The following MAGI2 variants were observed in gnomAD, a reference collection of about 807,000 sequenced individuals.
The protein encoded by MAGI2 is membrane-associated guanylate kinase, WW and PDZ domain-containing protein 2.
In MAGI2, 35 loss-of-function variants were observed where a neutral mutation model predicts 133.3. The ratio of observed to expected loss-of-function variants is 0.26; its 90% CI spans 0.20 to 0.35. The LOEUF is 0.35. Among genes scored for constraint, MAGI2 ranks in the 10% least tolerant of loss-of-function variants. The pLI is 1.00. For synonymous variants in MAGI2, 729 were observed against 710.6 expected, an observed-to-expected ratio of 1.03 and a Z score of -0.41; for missense variants, 1,636 against 1,863.4, an observed-to-expected ratio of 0.88 and a Z score of 2.25.
At chr7:79,259,849 G>A (rs1415841126) in intron 1 of MAGI2, among the ~76,000 whole-genome samples, 2 of 152,128 alleles carry the variant, frequency 1.3e-5, no homozygotes, top group Non-Finnish European at 2.9e-5. Flanking sequence ...ATGGTGGTAA[G>A]ATAATCCTTA....
chr7:78,836,601 G>A (rs952883394), intron 2 of MAGI2, among the ~76,000 whole-genome samples: 2 of 152,100 alleles, frequency 1.3e-5, no homozygotes, highest in Non-Finnish European at 2.9e-5. Flanking sequence ...ATTAGTGATA[G>A]CTTAACTTCT....
chr7:78,837,029 C>A (rs866506413), intron 2 of MAGI2, among the ~76,000 whole-genome samples: 1 of 152,086 alleles, frequency 6.6e-6, no homozygotes, highest in Non-Finnish European at 1.5e-5. Context: ...TAAACAAATT[C>A]ATTTCGTTTT....
intron 1 of MAGI2, among the ~76,000 whole-genome samples, chr7:79,293,279 T>C (rs1174180601): frequency 6.6e-6 from 1 of 152,190 alleles, no homozygotes; most frequent in African/African-American, 2.4e-5. Flanking sequence ...AAATGAAAAA[T>C]CTTTATTCCC....
chr7:79,429,503 C>T (rs1847628747), intron 1 of MAGI2, among the ~76,000 whole-genome samples: 1 of 152,020 alleles, frequency 6.6e-6, no homozygotes, highest in African/African-American at 2.4e-5. Flanking sequence ...CGGGGTTTCA[C>T]CATGTTGGCC....
chr7:78,825,435 C>G (rs900151397), intron 2 of MAGI2, among the ~76,000 whole-genome samples: 2 of 152,020 alleles, frequency 1.3e-5, no homozygotes, highest in Non-Finnish European at 2.9e-5. Flanking sequence ...GGTAAGCTAA[C>G]AGTGTTTTAA....
intron 6 of MAGI2, among the ~76,000 whole-genome samples, chr7:78,482,035 T>C (rs1222820295): frequency 6.6e-6 from 1 of 151,932 alleles, no homozygotes; most frequent in African/African-American, 2.4e-5. Flanking sequence ...AAGGAACATG[T>C]ATACATAAGG....
At chr7:78,888,411 G>C (rs1796446645) in intron 2 of MAGI2, among the ~76,000 whole-genome samples, 1 of 152,188 alleles carries the variant, frequency 6.6e-6, no homozygotes, top group Admixed American at 6.5e-5. Flanking sequence ...CTGGAGATCT[G>C]AGAATGGACA....
chr7:79,220,319 C>G (rs1004352254), intron 1 of MAGI2, among the ~76,000 whole-genome samples: 1 of 151,856 alleles, frequency 6.6e-6, no homozygotes, highest in African/African-American at 2.4e-5. Context: ...TCACGGACAG[C>G]CTTAGTCAAA....
At chr7:78,255,312 T>C (rs1167141412) in intron 10 of MAGI2, 1 of 156,680 alleles carries the variant, frequency 6.4e-6, no homozygotes, top group Admixed American at 6.5e-5. Context: ...CTCACCCTGT[T>C]CTGTAACTTT....
chr7:78,260,206 A>C (rs1428159410), intron 9 of MAGI2, among the ~76,000 whole-genome samples: 1 of 152,222 alleles, frequency 6.6e-6, no homozygotes, highest in African/African-American at 2.4e-5. Flanking sequence ...TTGCTTGTTC[A>C]GATAGAACTT....
rs199553094 is a variant in MAGI2, at chr7:78,167,996, C to T, written c.2516G>A (p.Arg839His). 116 of 1,614,054 alleles carry T rather than the reference C, an allele frequency of 7.2e-5. No homozygotes were observed. Among genetic ancestry groups the T allele is most frequent in the South Asian group, 7.1e-4 (65 of 91,080 alleles). ...GTGGTGCATGAGGTCGATGACATAG[C>T]GGTGGGTTTTGCCGGCTACTGGAAT... ...DGIPVAGKTH[R>H]YVIDLMHHAA... The change falls in exon 15 of 22, where the codon CGC becomes CAC. Residue 839 changes from arginine (R) to histidine (H), a missense_variant. By Grantham distance (29) the Arg-to-His change is conservative. This residue lies in a region of MAGI2 where 920 missense variants were observed against 1,093.5 expected (regional missense o/e 0.84). Transcript: ENST00000354212.
chr7:78,654,192 T>A (rs1029980798), intron 2 of MAGI2, among the ~76,000 whole-genome samples: 1 of 152,188 alleles, frequency 6.6e-6, no homozygotes, highest in African/African-American at 2.4e-5. Context: ...CCTGGCTCTA[T>A]CACTTACTAG....
intron 2 of MAGI2, among the ~76,000 whole-genome samples, chr7:78,666,192 C>T (rs1055288215): frequency 2.0e-5 from 3 of 152,150 alleles, no homozygotes; most frequent in African/African-American, 7.2e-5. Context: ...AGCTAGACGA[C>T]TTTAAAACTG....
intron 2 of MAGI2, among the ~76,000 whole-genome samples, chr7:78,881,864 G>A (rs1438169362): frequency 2.0e-5 from 3 of 151,216 alleles, no homozygotes; most frequent in South Asian, 2.1e-4. Context: ...TCAAATTAAT[G>A]ATCTAACATC....
At chr7:79,070,896 T>G (rs150606965) in intron 1 of MAGI2, among the ~76,000 whole-genome samples, 5,543 of 152,272 alleles carry the variant, frequency 0.036, 214 homozygotes, top group African/African-American at 0.098. Flanking sequence ...AACATGCTCC[T>G]CTAGCTCAGA....
chr7:78,948,092 G>T (rs1044820848), intron 2 of MAGI2, among the ~76,000 whole-genome samples: 5 of 151,942 alleles, frequency 3.3e-5, no homozygotes, highest in African/African-American at 1.2e-4. Context: ...AGACTAAAAT[G>T]ATTTATGTAG....
chr7:78,045,456 C>T (rs1811325765), intron 21 of MAGI2, among the ~76,000 whole-genome samples: 1 of 152,088 alleles, frequency 6.6e-6, no homozygotes, highest in South Asian at 2.1e-4. Flanking sequence ...TTGAGCAGCT[C>T]ACATTCTAGG....
At chr7:78,955,651 C>A (rs933371577) in intron 2 of MAGI2, among the ~76,000 whole-genome samples, 1 of 149,520 alleles carries the variant, frequency 6.7e-6, no homozygotes, top group African/African-American at 2.4e-5. Context: ...TTCTCTCTCT[C>A]TCTCCCTTCC....
chr7:78,586,861 A>G (rs1438986133), intron 3 of MAGI2, among the ~76,000 whole-genome samples: 2 of 152,230 alleles, frequency 1.3e-5, no homozygotes, highest in Non-Finnish European at 1.5e-5. Flanking sequence ...TTCACTAAGT[A>G]TAATGTCTTC....
Sources: gnomAD v4.1 joint callset for allele counts (sites outside exome capture counted in the v4.1 genomes callset) on GRCh38, gnomAD v4.1.1 for gene constraint, gnomAD v4.1.1 regional missense constraint, MANE v1.5 for transcripts, NCBI Gene and HGNC (gene_info 2026-07-23, HGNC 2026-07-21) for gene names.